RBL2: variants seen among roughly 807,000 people sequenced by gnomAD.
RBL2 encodes retinoblastoma-like protein 2.
In RBL2, 56 loss-of-function variants were observed where a neutral mutation model predicts 126.0. The ratio of observed to expected loss-of-function variants is 0.44; its 90% CI spans 0.36 to 0.56. RBL2 has a LOEUF of 0.56. Ranked by LOEUF, RBL2 falls within the 20% of genes least tolerant of loss-of-function variation. RBL2 has a pLI of 0.00. For synonymous variants in RBL2, 454 were observed against 478.5 expected (o/e 0.95, Z 0.67); for missense variants, 1,229 against 1,398.2 (o/e 0.88, Z 1.93).
chr16:53,484,758 GCTCTGGGAA>G (rs140365998), intron 21 of RBL2, among the ~76,000 whole-genome samples: 2,408 of 152,246 alleles, frequency 0.016, 70 homozygotes, highest in African/African-American at 0.055. Context: ...AGTGATGGCT[GCTCTGGGAA>G]CTCTGGGAAC....
At position 53,483,273 on chromosome 16, in the gene RBL2, A is replaced by AAAACAGTCCGGGTGCAG. The variant is rs545371971; in HGVS notation, c.3249+1439_3249+1455dup. Among the ~76,000 whole-genome samples the AAAACAGTCCGGGTGCAG allele has an allele frequency of 1.5e-4, 23 of 152,328 alleles. No homozygotes were observed. The South Asian group carries it at 4.8e-3, about 32-fold the overall frequency. On this transcript the variant is annotated intron_variant, in intron 21 of 21. Transcript: ENST00000262133. ...CTTGCAATCTTTTAAAAAGTTGAGG[A>AAAACAGTCCGGGTGCAG]AAACAGTCCGGGTGCAGTGCCTCAC...
intron 9 of RBL2, among the ~76,000 whole-genome samples, chr16:53,461,319 C>A (rs1346502799): frequency 6.6e-6 from 1 of 152,118 alleles, no homozygotes; most frequent in Non-Finnish European, 1.5e-5. Context: ...ATGGTGAAAC[C>A]CCATCTCTAC....
chr16:53,438,350 C>A (rs1307761744), intron 1 of RBL2, among the ~76,000 whole-genome samples: 1 of 152,190 alleles, frequency 6.6e-6, no homozygotes, highest in Non-Finnish European at 1.5e-5. Flanking sequence ...ACTCCGAAGG[C>A]ACATGTCCTA....
Position 53,453,493 on chromosome 16 carries a change from T to C in RBL2, c.808T>C (p.Ser270Pro), listed in dbSNP as rs1384549279. The C allele has an allele frequency of 1.2e-6, 2 of 1,613,362 alleles. No individual in the cohort carries two copies. Among genetic ancestry groups the C allele is most frequent in the East Asian group, 2.2e-5 (1 of 44,806 alleles). ...TCATGCTAAAGATTCTAAACCTTCC[T>C]CTGACCCCCCTTGTATCATTGAGAA... ...DFHAKDSKPS[S>P]DPPCIIEKLC... Residue 270 changes from serine to proline, a missense_variant, in exon 6 of 22, where the codon TCT becomes CCT. Transcript: ENST00000262133.
Position 53,465,630 on chromosome 16 carries a change from G to T in RBL2, c.1863+28G>T, listed in dbSNP as rs775909810. On this transcript the variant is annotated intron_variant, in intron 13 of 21. Coordinates refer to ENST00000262133, the MANE Select transcript of RBL2 (RefSeq NM_005611.4). ...TTGTGAAAATAACATCTTTTTATGAGAAAAATACATCAATATCTAATCTAT... is the reference window on the plus strand; with the variant it reads ...TTGTGAAAATAACATCTTTTTATGATAAAAATACATCAATATCTAATCTAT... 16 of 1,489,828 alleles carry T rather than the reference G, an allele frequency of 1.1e-5. No homozygotes were observed. The Admixed American group carries it at 3.7e-4, about 34-fold the overall frequency. The allele number at this position is 1,489,828 out of a possible 1,614,324, so 92.3% of individuals were successfully genotyped here.
At chr16:53,485,874 C>CAAAAACA (rs1228090400) in intron 21 of RBL2, among the ~76,000 whole-genome samples, 34 of 151,112 alleles carry the variant, frequency 2.2e-4, no homozygotes, top group African/African-American at 8.2e-4. Flanking sequence ...AAAACAAAAA[C>CAAAAACA]AAAAAACCAC....
intron 17 of RBL2, among the ~76,000 whole-genome samples, chr16:53,471,430 CT>C (rs1318709346): frequency 1.3e-5 from 2 of 151,966 alleles, no homozygotes; most frequent in African/African-American, 4.8e-5. Flanking sequence ...GTTTAAATAA[CT>C]TATTGAGGAG....
chr16:53,439,954 C>CAAAAAAAAAAAAAAAAA (rs10591959), intron 2 of RBL2, among the ~76,000 whole-genome samples: 7 of 91,930 alleles, frequency 7.6e-5, no homozygotes, highest in African/African-American at 2.4e-4. Context: ...ACCTTGTCTC[C>CAAAAAAAAAAAAAAAAA]AAAAAAAAAA....
At chr16:53,447,836 G>A (rs1329416511) in intron 4 of RBL2, among the ~76,000 whole-genome samples, 2 of 152,016 alleles carry the variant, frequency 1.3e-5, no homozygotes, top group Non-Finnish European at 2.9e-5. Context: ...GTAGAGATGG[G>A]GTTTCACCAT....
At chr16:53,446,354 G>A (rs892896057) in intron 3 of RBL2, among the ~76,000 whole-genome samples, 2 of 152,020 alleles carry the variant, frequency 1.3e-5, no homozygotes, top group Admixed American at 1.3e-4. Flanking sequence ...CTAGCTAATG[G>A]CAGTGCTGGA....
chr16:53,484,883 A>T (rs1329330379), intron 21 of RBL2, among the ~76,000 whole-genome samples: 2 of 152,290 alleles, frequency 1.3e-5, no homozygotes, highest in East Asian at 3.9e-4. Flanking sequence ...CCATGCTACC[A>T]CTCATGAAAA....
At chr16:53,465,380 C>G (rs988194160) in intron 12 of RBL2, 58 bp from the exon 13 acceptor site, 2 of 1,162,440 alleles carry the variant, frequency 1.7e-6, no homozygotes, top group African/African-American at 1.6e-5. Flanking sequence ...AATTTCTTGT[C>G]TAAATATTTA....
intron 1 of RBL2, among the ~76,000 whole-genome samples, chr16:53,438,231 C>T (rs1437170816): frequency 1.3e-5 from 2 of 152,006 alleles, no homozygotes; most frequent in Non-Finnish European, 2.9e-5. Context: ...ACTTGAGCAA[C>T]TAGGTACTGG....
At chr16:53,437,653 G>T (rs1273100606) in intron 1 of RBL2, among the ~76,000 whole-genome samples, 1 of 152,110 alleles carries the variant, frequency 6.6e-6, no homozygotes, top group Non-Finnish European at 1.5e-5. Flanking sequence ...TTTTGATTAG[G>T]TATAAAATTA....
At chr16:53,479,792 TTGTGAAAACCAAGTAACATA>T (rs1424498373) in intron 18 of RBL2, 74 bp from the exon 19 acceptor site, 1 of 753,476 alleles carries the variant, frequency 1.3e-6, no homozygotes, top group Non-Finnish European at 2.2e-6. Context: ...ATACAGGTTA[TTGTGAAAACCAAGTAACATA>T]TGTGAAGGTC....
At position 53,469,960 on chromosome 16, in the gene RBL2, C is replaced by T; in HGVS notation, c.2020C>T (p.Pro674Ser). Reference protein sequence around the residue: ...TTLYDRYSSPPASTTRRRLFV... With the variant: ...TTLYDRYSSPSASTTRRRLFV... ...ATTATACGATAGGTACAGCTCCCCACCAGCCAGCACTACCAGAAGGCGGCT... is the reference window on the plus strand; with the variant it reads ...ATTATACGATAGGTACAGCTCCCCATCAGCCAGCACTACCAGAAGGCGGCT... The change falls in exon 15 of 22, where the codon CCA becomes TCA. Residue 674 changes from proline to serine, a missense_variant. Pro to Ser is a moderately conservative substitution (Grantham distance 74, BLOSUM62 -1). Around this residue, in one of 2 missense-constraint regions of RBL2, gnomAD observed 1,070 missense variants for 1,274.3 expected, o/e 0.84. Coordinates refer to ENST00000262133, the MANE Select transcript of RBL2 (RefSeq NM_005611.4). The T allele has an allele frequency of 6.2e-7, 1 of 1,611,876 alleles. No individual in the cohort carries two copies. Among genetic ancestry groups the T allele is most frequent in the Non-Finnish European group, 8.5e-7 (1 of 1,178,548 alleles).
intron 2 of RBL2, among the ~76,000 whole-genome samples, chr16:53,440,065 G>A (rs1212530502): frequency 6.6e-6 from 1 of 152,070 alleles, no homozygotes; most frequent in Non-Finnish European, 1.5e-5. Context: ...GGAGGCCAAG[G>A]TGTGTGGATC....
At chr16:53,458,563 A>T (rs1030089067) in intron 8 of RBL2, among the ~76,000 whole-genome samples, 1 of 152,318 alleles carries the variant, frequency 6.6e-6, no homozygotes, top group Middle Eastern at 3.4e-3. Flanking sequence ...TCAACTTATT[A>T]TCTGTCTCTG....
intron 20 of RBL2, 181 bp from the exon 21 acceptor site, chr16:53,481,490 C>T: frequency 1.8e-6 from 1 of 558,992 alleles, no homozygotes. Flanking sequence ...ATAACTGGCA[C>T]AAACTAAGCA....
Sources: allele counts gnomAD v4.1 joint callset (sites outside exome capture counted in the v4.1 genomes callset), GRCh38; gene constraint gnomAD v4.1.1; regional missense constraint gnomAD v4.1.1; transcripts MANE v1.5; gene names NCBI Gene and HGNC (gene_info 2026-07-23, HGNC 2026-07-21).